TRAPPC6A: variants seen among roughly 807,000 people sequenced by gnomAD.
TRAPPC6A encodes TRAPP complex subunit 6A.
In TRAPPC6A, 25 loss-of-function variants were observed where a neutral mutation model predicts 20.8. The observed-to-expected ratio is 1.20, with a 90% CI of 0.88 to 1.68. TRAPPC6A has a LOEUF of 1.68. Among genes scored for constraint, TRAPPC6A ranks in the 40% most tolerant of loss-of-function variants. The pLI, the probability that TRAPPC6A is intolerant of heterozygous loss-of-function variation, is 0.00. For synonymous variants in TRAPPC6A, 96 were observed against 93.3 expected (o/e 1.03, Z -0.16); for missense variants, 215 against 211.6 (o/e 1.02, Z -0.10).
chr19:45,173,575 A>G lies in TRAPPC6A; in HGVS notation c.84+4560T>C, dbSNP rs565543945. On this transcript the variant is annotated intron_variant, in intron 1 of 5. Transcript: ENST00000585934. This position sits in a 1 kb window ranked among gnomAD's most constrained non-coding sequence, Gnocchi z 4.8. ...CAAGCACAGGGTCCCTCCTCTGTGA[A>G]TCGGGAGGGCTGTCCTGAGGACTAA... is the stretch of plus-strand genomic sequence containing the variant. Among the ~76,000 whole-genome samples the G allele has an allele frequency of 5.9e-5, 9 of 152,288 alleles. No homozygotes were observed. Among genetic ancestry groups the G allele is most frequent in the Admixed American group, 5.9e-4 (9 of 15,306 alleles).
Position 45,163,871 on chromosome 19 carries a change from G to A in TRAPPC6A, c.448+45C>T. ...TGGGGCTGGAACTCTGAAGCCCCCA[G>A]CAACTCAAGGGATGAGAAGAATCCC... On this transcript the variant is annotated intron_variant, in intron 5 of 5. Transcript: ENST00000585934. This position sits in a 1 kb window ranked among gnomAD's most constrained non-coding sequence, Gnocchi z 5.3. 1 of 1,507,022 alleles carries A rather than the reference G, an allele frequency of 6.6e-7. No individual in the cohort carries two copies. Among genetic ancestry groups the A allele is most frequent in the Non-Finnish European group, 9.0e-7 (1 of 1,107,638 alleles). 93.4% of individuals were successfully genotyped at this position (1,507,022 alleles called of 1,614,324 possible).
chr19:45,164,340 G>A, intron 3 of TRAPPC6A, 93 bp from the exon 4 acceptor site: 3 of 862,344 alleles, frequency 3.5e-6, no homozygotes, highest in Non-Finnish European at 5.4e-6. Context: ...AGATTGGGCT[G>A]AGGTTGGGAA....
In TRAPPC6A at chr19:45,173,329, C is replaced by T. The variant is rs1030145751; in HGVS notation, c.84+4806G>A. Among the ~76,000 whole-genome samples the T allele has an allele frequency of 2.0e-5, 3 of 151,856 alleles. No individual in the cohort carries two copies. The highest frequency in any genetic ancestry group is 7.3e-5 in the African/African-American group (3 of 41,348). On this transcript the variant is annotated intron_variant, in intron 1 of 5. Coordinates refer to ENST00000585934, the MANE Select transcript of TRAPPC6A (RefSeq NM_001270891.2). This position sits in a 1 kb window ranked among gnomAD's most constrained non-coding sequence, Gnocchi z 4.8. ...GAATGGCCACAAATAACCACCGTAC[C>T]AGGCAGGATAGGAGGTCACAAAAGC...
chr19:45,177,825 C>G (rs543304442), intron 1 of TRAPPC6A, among the ~76,000 whole-genome samples: 48 of 152,294 alleles, frequency 3.2e-4, no homozygotes, highest in African/African-American at 1.2e-3. Context: ...GTCATTGGGT[C>G]GCACACCTAG....
Position 45,163,072 on chromosome 19 carries a change from G to A in TRAPPC6A, c.*120C>T. ...CCTCAATTTGATACCCACTTCCTGAGCAAATGTGACCCCTAGGGCCTGGGA... is the reference window on the plus strand; with the variant it reads ...CCTCAATTTGATACCCACTTCCTGAACAAATGTGACCCCTAGGGCCTGGGA... On this transcript the variant is annotated 3_prime_UTR_variant, in exon 6 of 6. Coordinates refer to ENST00000585934, the MANE Select transcript of TRAPPC6A (RefSeq NM_001270891.2). This position sits in a 1 kb window ranked among gnomAD's most constrained non-coding sequence, Gnocchi z 5.3. The A allele has an allele frequency of 8.3e-7, 1 of 1,203,648 alleles. No homozygotes were observed. Among genetic ancestry groups the A allele is most frequent in the Non-Finnish European group, 1.2e-6 (1 of 846,396 alleles). The allele number at this position is 1,203,648 out of a possible 1,614,324, so 74.6% of individuals were successfully genotyped here.
Position 45,162,983 on chromosome 19 carries a change from A to AC in TRAPPC6A, c.*208_*209insG. ...CAGCTACTGGGCAGTGACGCTGCCG[A>AC]GGCGGGAATCCCACCACAGTCCTGA... On this transcript the variant is annotated 3_prime_UTR_variant, in exon 6 of 6. Coordinates refer to ENST00000585934, the MANE Select transcript of TRAPPC6A (RefSeq NM_001270891.2). 2.2e-6 allele frequency: 1 copy of AC among 452,112 alleles called. No homozygotes were observed. The highest frequency in any genetic ancestry group is 3.9e-6 in the Non-Finnish European group (1 of 256,770). The allele number at this position is 452,112 out of a possible 1,614,324, so 28.0% of individuals were successfully genotyped here.
At chr19:45,165,549 G>A (rs926710858) in intron 1 of TRAPPC6A, among the ~76,000 whole-genome samples, 40 of 152,168 alleles carry the variant, frequency 2.6e-4, no homozygotes, top group African/African-American at 9.7e-4. Context: ...CTTTCAGCGC[G>A]AACCCTCACA....
chr19:45,166,444 A>G (rs955092459), intron 1 of TRAPPC6A, among the ~76,000 whole-genome samples: 6 of 146,026 alleles, frequency 4.1e-5, no homozygotes, highest in African/African-American at 1.3e-4. Flanking sequence ...CCTAGCCTCA[A>G]GTGATCCGCC....
At chr19:45,164,666 C>G (rs1969104478) in intron 3 of TRAPPC6A, 187 bp downstream of exon 3, 2 of 618,192 alleles carry the variant, frequency 3.2e-6, no homozygotes. Flanking sequence ...CCGGAAACAC[C>G]CCCTATGCCC....
At chr19:45,165,307 T>G (rs574808645) in intron 1 of TRAPPC6A, 113 bp from the exon 2 acceptor site, 7 of 1,035,750 alleles carry the variant, frequency 6.8e-6, no homozygotes, top group Non-Finnish European at 1.0e-5. Context: ...GCTCGTCAGT[T>G]CAGGGGTGAG....
intron 1 of TRAPPC6A, among the ~76,000 whole-genome samples, chr19:45,170,363 C>T (rs1235776350): frequency 2.0e-5 from 3 of 152,156 alleles, no homozygotes; most frequent in East Asian, 3.9e-4. Context: ...AGGTGTGCTG[C>T]GAGGGTGCAC....
intron 4 of TRAPPC6A, 57 bp from the exon 5 acceptor site, chr19:45,164,066 T>C: frequency 6.4e-7 from 1 of 1,550,966 alleles, no homozygotes; most frequent in Non-Finnish European, 8.7e-7. Context: ...ACCCGAGGTC[T>C]GGGGCACCCC....
Position 45,164,958 on chromosome 19 carries a change from C to T in TRAPPC6A, c.165G>A (p.Glu55=). 6.2e-7 allele frequency: 1 copy of T among 1,614,140 alleles called. No homozygotes were observed. Among genetic ancestry groups the T allele is most frequent in the African/African-American group, 1.3e-5 (1 of 75,058 alleles). Residue 55 remains glutamate (E), a synonymous_variant, in exon 3 of 6, where the codon GAG becomes GAA. Transcript: ENST00000585934. ...GQALGERLPR[E]TLAFREELDV... is the part of the protein sequence containing the mutation. ...CCAGCTCCTCCCTGAAGGCCAGCGT[C>T]TCCCGGGGCAGCCTGGTGGGGCAGT...
chr19:45,169,619 G>A (rs1307956530), intron 1 of TRAPPC6A, among the ~76,000 whole-genome samples: 2 of 152,234 alleles, frequency 1.3e-5, no homozygotes, highest in Admixed American at 6.5e-5. Flanking sequence ...CCCAGCCAAT[G>A]AGGGATGAAG....
chr19:45,167,982 C>A (rs1969192390), intron 1 of TRAPPC6A, among the ~76,000 whole-genome samples: 1 of 148,556 alleles, frequency 6.7e-6, no homozygotes, highest in African/African-American at 2.5e-5. Flanking sequence ...CAGGCAACAG[C>A]AAGACCCTGT....
chr19:45,165,407 G>T (rs1206337084), intron 1 of TRAPPC6A, among the ~76,000 whole-genome samples: 1 of 152,188 alleles, frequency 6.6e-6, no homozygotes, highest in East Asian at 1.9e-4. Flanking sequence ...GACCTTGCAG[G>T]CTCTCTGGAT....
intron 1 of TRAPPC6A, among the ~76,000 whole-genome samples, chr19:45,168,138 C>G (rs1302989082): frequency 2.0e-5 from 3 of 151,250 alleles, no homozygotes; most frequent in Non-Finnish European, 2.9e-5. Flanking sequence ...GAGTAGCTGG[C>G]ACTATAGGCA....
chr19:45,167,993 C>CTTTTTTTT (rs968943946), intron 1 of TRAPPC6A, among the ~76,000 whole-genome samples: 2 of 99,972 alleles, frequency 2.0e-5, no homozygotes, highest in Non-Finnish European at 3.9e-5. Flanking sequence ...AAGACCCTGT[C>CTTTTTTTT]TTTTTTTTTT....
At chr19:45,170,195 C>T (rs1273641258) in intron 1 of TRAPPC6A, among the ~76,000 whole-genome samples, 1 of 152,226 alleles carries the variant, frequency 6.6e-6, no homozygotes, top group African/African-American at 2.4e-5. Context: ...CAAGTGCAGC[C>T]AACCTGAGGG....
Sources: gnomAD v4.1 joint callset for allele counts (sites outside exome capture counted in the v4.1 genomes callset) on GRCh38, gnomAD v4.1.1 for gene constraint, Gnocchi (gnomAD v3.1) non-coding constraint, MANE v1.5 for transcripts, NCBI Gene and HGNC (gene_info 2026-07-23, HGNC 2026-07-21) for gene names.